COBL: variants seen among roughly 807,000 people sequenced by gnomAD.
COBL encodes the protein cordon-bleu WH2 repeat protein.
Under a neutral mutation model 98.8 loss-of-function variants are expected in COBL, and 51 were observed. That is an observed-to-expected ratio of 0.52 (90% CI 0.41 to 0.65). The LOEUF is 0.65. COBL is among the 30% of genes least tolerant of loss of function. The pLI, the probability that COBL is intolerant of heterozygous loss-of-function variation, is 0.00. For missense variants in COBL, 1,617 were observed against 1,617.5 expected (o/e 1.00, Z 0.01); for synonymous variants, 634 against 651.7 (o/e 0.97, Z 0.41).
rs751109072 is a variant in COBL, at chr7:51,028,166, G to A, written c.2930C>T (p.Ser977Leu). ...ATCCCTCTGGGAAGACTGAACCAGTGAGAAACAGGAGCTTCTGTGGATAGC... is the reference window on the plus strand; with the variant it reads ...ATCCCTCTGGGAAGACTGAACCAGTAAGAAACAGGAGCTTCTGTGGATAGC... ...PAAIHRSSCFSLVQSSQRDRV... is the reference protein window; with the variant it reads ...PAAIHRSSCFLLVQSSQRDRV... Residue 977 changes from serine (S) to leucine (L), a missense_variant, in exon 10 of 13, where the codon TCA (serine) becomes TTA (leucine). Transcript: ENST00000265136. The A allele has an allele frequency of 1.9e-6, 3 of 1,614,252 alleles. No individual in the cohort carries two copies. Among genetic ancestry groups the A allele is most frequent in the East Asian group, 4.5e-5 (2 of 44,888 alleles).
intron 7 of COBL, among the ~76,000 whole-genome samples, chr7:51,044,646 G>A (rs80161329): frequency 0.053 from 8,140 of 152,248 alleles, 755 homozygotes; most frequent in African/African-American, 0.19. Flanking sequence ...CAAGCACTGT[G>A]TTTTGTTGCA....
intron 4 of COBL, among the ~76,000 whole-genome samples, chr7:51,190,284 G>C (rs888466284): frequency 2.7e-4 from 41 of 152,218 alleles, no homozygotes; most frequent in African/African-American, 9.6e-4. Context: ...TCATAGCTCA[G>C]TGCAGCTTCA....
At chr7:51,287,181 C>T (rs891019904) in intron 1 of COBL, among the ~76,000 whole-genome samples, 1 of 152,160 alleles carries the variant, frequency 6.6e-6, no homozygotes, top group Admixed American at 6.5e-5. Flanking sequence ...ATTCCCCAAA[C>T]CTCAGCATCC....
At chr7:51,024,000 G>A (rs1171963994) in intron 12 of COBL, among the ~76,000 whole-genome samples, 2 of 152,178 alleles carry the variant, frequency 1.3e-5, no homozygotes, top group Admixed American at 1.3e-4. Flanking sequence ...TTAGGATCTG[G>A]AAATAATCAC....
chr7:51,036,625 C>T (rs781330289), intron 8 of COBL, among the ~76,000 whole-genome samples: 1 of 152,124 alleles, frequency 6.6e-6, no homozygotes, highest in African/African-American at 2.4e-5. Context: ...CAGCTCCTCA[C>T]AAAGTGCTTC....
At chr7:51,145,443 C>T (rs532581678) in intron 5 of COBL, among the ~76,000 whole-genome samples, 4 of 150,722 alleles carry the variant, frequency 2.7e-5, no homozygotes, top group African/African-American at 4.9e-5. Flanking sequence ...TGCAGTGGCA[C>T]GAACTCAGTT....
At position 51,045,086 on chromosome 7, in the gene COBL, T is replaced by TG. The variant is rs1289265590; in HGVS notation, c.1097-1395dup. On this transcript the variant is annotated intron_variant, in intron 7 of 12. Coordinates refer to ENST00000265136, the MANE Select transcript of COBL (RefSeq NM_015198.5). ...TCCCCAGCTTTTGGGGCTAGACTCTTGTTCAAGACAAATATTGAGAAGAAA... is the reference window on the plus strand; with the variant it reads ...TCCCCAGCTTTTGGGGCTAGACTCTTGGTTCAAGACAAATATTGAGAAGAAA... 2.6e-5 allele frequency among the ~76,000 whole-genome samples: 4 copies of TG among 152,258 alleles called. No individual in the cohort carries two copies. The East Asian group carries it at 7.7e-4, about 29-fold the overall frequency.
intron 5 of COBL, among the ~76,000 whole-genome samples, chr7:51,183,116 G>T (rs1789147057): frequency 6.6e-6 from 1 of 152,156 alleles, no homozygotes; most frequent in Non-Finnish European, 1.5e-5. Flanking sequence ...TAACAGCAGA[G>T]GCTGCACCAC....
Position 51,025,859 on chromosome 7 carries a change from C to T in COBL, c.3505-487G>A, listed in dbSNP as rs144189090. 2.0e-4 allele frequency among the ~76,000 whole-genome samples: 30 copies of T among 152,308 alleles called. No homozygotes were observed. In the East Asian group the frequency reaches 4.6e-3, roughly 24 times the overall value. ...AAGCCCAGGAAGTTTGTCCACTCCA[C>T]GGCCGAGACATCTGCCCCCATGCTC... On this transcript the variant is annotated intron_variant, in intron 11 of 12. Coordinates refer to ENST00000265136, the MANE Select transcript of COBL (RefSeq NM_015198.5).
chr7:51,057,927 C>G (rs775656663), intron 7 of COBL, among the ~76,000 whole-genome samples: 1 of 152,148 alleles, frequency 6.6e-6, no homozygotes, highest in Non-Finnish European at 1.5e-5. Context: ...CCTCTTATTA[C>G]GGATACCCTC....
At chr7:51,281,982 A>G (rs530583950) in intron 1 of COBL, among the ~76,000 whole-genome samples, 2 of 152,266 alleles carry the variant, frequency 1.3e-5, no homozygotes, top group African/African-American at 4.8e-5. Flanking sequence ...TACTGATTCT[A>G]AGGAGACTGT....
intron 2 of COBL, among the ~76,000 whole-genome samples, chr7:51,212,794 T>C (rs1792582926): frequency 6.6e-6 from 1 of 152,142 alleles, no homozygotes. Flanking sequence ...GAAATACAGA[T>C]TGCTGGGCTC....
intron 1 of COBL, chr7:51,259,717 G>A: frequency 1.4e-6 from 1 of 740,044 alleles, no homozygotes; most frequent in Non-Finnish European, 2.5e-6. Context: ...ATTTCAAAAT[G>A]AGTTCCCAGG....
At chr7:51,177,683 G>A (rs1293066093) in intron 5 of COBL, among the ~76,000 whole-genome samples, 1 of 151,822 alleles carries the variant, frequency 6.6e-6, no homozygotes, top group African/African-American at 2.4e-5. Context: ...TGAGGCAGGA[G>A]AATCACTTGA....
intron 2 of COBL, among the ~76,000 whole-genome samples, chr7:51,200,046 G>A (rs1336442081): frequency 6.6e-6 from 1 of 152,224 alleles, no homozygotes; most frequent in Non-Finnish European, 1.5e-5. Context: ...AAGGCACCTT[G>A]TCACACACAA....
intron 1 of COBL, among the ~76,000 whole-genome samples, chr7:51,278,192 C>T (rs1799482737): frequency 6.6e-6 from 1 of 152,048 alleles, no homozygotes; most frequent in Non-Finnish European, 1.5e-5. Flanking sequence ...CACAGAGACT[C>T]CCACACACAT....
At chr7:51,299,433 C>T (rs562463841) in intron 1 of COBL, among the ~76,000 whole-genome samples, 1 of 152,360 alleles carries the variant, frequency 6.6e-6, no homozygotes, top group South Asian at 2.1e-4. Context: ...GTCTCTCTTT[C>T]TTCCCAAAAG....
chr7:51,316,154 A>C (rs1322181390), intron 1 of COBL, among the ~76,000 whole-genome samples: 2 of 151,928 alleles, frequency 1.3e-5, no homozygotes, highest in African/African-American at 4.8e-5. Flanking sequence ...GGGAGAGGGA[A>C]GACTTGATGG....
At chr7:51,201,571 A>T (rs1203972023) in intron 2 of COBL, among the ~76,000 whole-genome samples, 1 of 152,220 alleles carries the variant, frequency 6.6e-6, no homozygotes, top group Non-Finnish European at 1.5e-5. Flanking sequence ...TAGAAAGATC[A>T]ATCAATAAGT....
Sources: allele counts gnomAD v4.1 joint callset (sites outside exome capture counted in the v4.1 genomes callset), GRCh38; gene constraint gnomAD v4.1.1; transcripts MANE v1.5; gene names NCBI Gene and HGNC (gene_info 2026-07-23, HGNC 2026-07-21).